RPL28: variants seen among roughly 807,000 people sequenced by gnomAD.
RPL28 encodes the protein large ribosomal subunit protein eL28.
In RPL28, 4 loss-of-function variants were observed where a neutral mutation model predicts 12.5. The observed-to-expected ratio is 0.32, with a 90% CI of 0.16 to 0.73. The LOEUF (loss-of-function observed/expected upper bound fraction) is 0.73. Ranked by LOEUF, RPL28 falls within the 30% of genes least tolerant of loss-of-function variation. The probability of loss-of-function intolerance (pLI) is 0.66; values close to 1 mark genes in which losing one functional copy is unlikely to be tolerated. For missense variants in RPL28, 214 were observed against 197.7 expected (o/e 1.08, Z -0.49); for synonymous variants, 91 against 72.5 (o/e 1.26, Z -1.30).
At chr19:55,395,351 G>C (rs943841877), downstream of RPL28, among the ~76,000 whole-genome samples, 3 of 151,798 alleles carry the variant, frequency 2.0e-5, no homozygotes, top group Non-Finnish European at 4.4e-5. Flanking sequence ...GGCCAGGCTG[G>C]TCTTGAACTG....
At chr19:55,396,696 T>A (rs951635538), downstream of RPL28, among the ~76,000 whole-genome samples, 3 of 145,910 alleles carry the variant, frequency 2.1e-5, no homozygotes, top group African/African-American at 5.1e-5. Context: ...TTCTCCTGCC[T>A]CAGCCTCCCG....
intron 4 of RPL28, among the ~76,000 whole-genome samples, chr19:55,398,912 G>A (rs1403725723): frequency 6.6e-6 from 1 of 152,156 alleles, no homozygotes; most frequent in African/African-American, 2.4e-5. Context: ...ACGTTGGGCA[G>A]GCTGCTCTTG....
rs1218604076 is a variant in RPL28 at position 55,388,025 on chromosome 19, A to G, written c.301A>G (p.Lys101Glu). The change falls in exon 4 of 5, where the codon AAG becomes GAG. Residue 101 changes from lysine (K) to glutamate (E), a missense_variant. Lys to Glu is a moderately conservative substitution (Grantham distance 56). Coordinates refer to ENST00000344063, the MANE Select transcript of RPL28 (RefSeq NM_000991.5). ...SSIRHMIRKNKYRPDLRMAAI... is the reference protein window; with the variant it reads ...SSIRHMIRKNEYRPDLRMAAI... ...CATCAGACACATGATCCGCAAGAAC[A>G]AGTACCGCCCCGACCTGCGCATGGT... 2 of 1,613,636 alleles carry G rather than the reference A, an allele frequency of 1.2e-6. No homozygotes were observed. Among genetic ancestry groups the G allele is most frequent in the Non-Finnish European group, 1.7e-6 (2 of 1,179,882 alleles).
chr19:55,395,938 G>A (rs2090019960), downstream of RPL28, among the ~76,000 whole-genome samples: 1 of 152,054 alleles, frequency 6.6e-6, no homozygotes, highest in East Asian at 1.9e-4. Flanking sequence ...TTACATGACT[G>A]GTAGTGTCCC....
chr19:55,390,484 C>T lies in RPL28; in HGVS notation c.*2152C>T, dbSNP rs548360952. ...CCTCCCAAAGTGCTGGCATTACAGG[C>T]GCTCGAGGCTTTCTGATGTGGCTGC... On this transcript the variant is annotated 3_prime_UTR_variant, in exon 5 of 5. Transcript: ENST00000344063. 27 of 985,480 alleles carry T rather than the reference C, an allele frequency of 2.7e-5. No individual in the cohort carries two copies. The highest frequency in any genetic ancestry group is 1.8e-4 in the Admixed American group (3 of 16,280). The allele number at this position is 985,480 out of a possible 1,614,324, so 61.0% of individuals were successfully genotyped here. A position where few individuals can be genotyped will look rare whatever the true frequency, so the allele number is the denominator to read the frequency against.
At chr19:55,396,246 GAAC>G (rs745815616), downstream of RPL28, among the ~76,000 whole-genome samples, 4 of 148,300 alleles carry the variant, frequency 2.7e-5, no homozygotes, top group African/African-American at 7.5e-5. Context: ...ACTCCAGCCT[GAAC>G]AACAAGAATG....
Position 55,392,025 on chromosome 19 carries a change from G to A in RPL28, c.*3693G>A. 1 of 1,078,092 alleles carries A rather than the reference G, an allele frequency of 9.3e-7. No homozygotes were observed. The highest frequency in any genetic ancestry group is 4.2e-5 in the South Asian group (1 of 23,726). The allele number at this position is 1,078,092 out of a possible 1,614,324, so 66.8% of individuals were successfully genotyped here. ...AGGCTGTTTGGCGCTGCCCAGGAAT[G>A]GTATCAATTCCCCTGTTTCTCTTGT... is the stretch of plus-strand genomic sequence containing the variant. On this transcript the variant is annotated 3_prime_UTR_variant, in exon 5 of 5. Coordinates refer to ENST00000344063, the MANE Select transcript of RPL28 (RefSeq NM_000991.5).
At chr19:55,396,811 A>C (rs191781907), downstream of RPL28, among the ~76,000 whole-genome samples, 69 of 150,644 alleles carry the variant, frequency 4.6e-4, no homozygotes, top group East Asian at 5.0e-3. Flanking sequence ...CGATCTCCTG[A>C]CCTTGTGATC....
At chr19:55,388,166 C>G (rs184860529) in intron 4 of RPL28, 77 bp from the exon 5 acceptor site, 2 of 1,546,692 alleles carry the variant, frequency 1.3e-6, no homozygotes, top group South Asian at 2.4e-5. Context: ...TCAGCCTACT[C>G]CCCACACCCA....
rs754688928 is a variant in RPL28, at chr19:55,386,417, G to A, written c.60G>A (p.Arg20=). 7.4e-6 allele frequency: 12 copies of A among 1,614,020 alleles called. No individual in the cohort carries two copies. Among genetic ancestry groups the A allele is most frequent in the Middle Eastern group, 1.6e-4 (1 of 6,084 alleles). ...ACTGCTCCAGTTTCCTGATCAAGAG[G>A]AATAAGCAGACCTACAGCACTGTAA... ...VRNCSSFLIK[R]NKQTYSTEPN... The change falls in exon 2 of 5, where the codon AGG becomes AGA. Residue 20 remains arginine (R), a synonymous_variant. Transcript: ENST00000344063.
downstream of RPL28, among the ~76,000 whole-genome samples, chr19:55,394,384 G>A (rs1169581735): frequency 2.1e-5 from 3 of 143,430 alleles, no homozygotes; most frequent in Non-Finnish European, 4.6e-5. Context: ...CTCAGTCTCC[G>A]AAGTAGCTGG....
chr19:55,388,659 G>A lies in RPL28; in HGVS notation c.*327G>A, dbSNP rs1355149339. The A allele has an allele frequency of 1.9e-5, 22 of 1,147,606 alleles. No individual in the cohort carries two copies. The highest frequency in any genetic ancestry group is 2.1e-5 in the Non-Finnish European group (20 of 934,470). 71.1% of individuals were successfully genotyped at this position (1,147,606 alleles called of 1,614,324 possible). On this transcript the variant is annotated 3_prime_UTR_variant, in exon 5 of 5. Transcript: ENST00000344063. ...GGGCAGTGGCTTCCATTCAGAAGAAGAAAGGCCTTTTCTAGCCCAGAAGGG... is the reference window on the plus strand; with the variant it reads ...GGGCAGTGGCTTCCATTCAGAAGAAAAAAGGCCTTTTCTAGCCCAGAAGGG...
intron 4 of RPL28, chr19:55,402,869 C>T: frequency 7.7e-7 from 1 of 1,301,026 alleles, no homozygotes; most frequent in African/African-American, 1.5e-5. Context: ...TGGCAGGAAA[C>T]CCCAATTCCC....
intron 3 of RPL28, chr19:55,387,339 T>C: frequency 1.9e-6 from 3 of 1,551,712 alleles, no homozygotes; most frequent in Non-Finnish European, 2.6e-6. Flanking sequence ...AGGGTCCTTT[T>C]ACTCAGTGGC....
chr19:55,401,351 G>A, intron 4 of RPL28: 1 of 1,013,666 alleles, frequency 9.9e-7, no homozygotes, highest in South Asian at 1.6e-5. Context: ...CCCGACCCCA[G>A]CCATAATTTA....
At position 55,388,311 on chromosome 19, in the gene RPL28, C is replaced by T. The variant is rs200664328; in HGVS notation, c.393C>T (p.Thr131=). 4 of 1,578,634 alleles carry T rather than the reference C, an allele frequency of 2.5e-6. No individual in the cohort carries two copies. The highest frequency in any genetic ancestry group is 1.8e-5 in the Admixed American group (1 of 54,454). ...QKPVMVKRKR[T]RPTKSS Reference sequence around the variant, plus strand: ...CTGTGATGGTGAAGAGGAAGCGGACCCGCCCCACCAAGAGCTCCTGAGCCC... The same window carrying T: ...CTGTGATGGTGAAGAGGAAGCGGACTCGCCCCACCAAGAGCTCCTGAGCCC... Residue 131 remains threonine, a synonymous_variant, in exon 5 of 5, where the codon ACC becomes ACT. Transcript: ENST00000344063.
chr19:55,387,537 C>A, intron 3 of RPL28: 1 of 1,431,464 alleles, frequency 7.0e-7, no homozygotes, highest in African/African-American at 1.4e-5. Flanking sequence ...GGCTGGGCCT[C>A]TCAGCCAAGC....
Position 55,388,876 on chromosome 19 carries a change from A to G in RPL28, c.*544A>G. 3 of 985,954 alleles carry G rather than the reference A, an allele frequency of 3.0e-6. No homozygotes were observed. Among genetic ancestry groups the G allele is most frequent in the Non-Finnish European group, 3.6e-6 (3 of 830,324 alleles). The allele number at this position is 985,954 out of a possible 1,614,324, so 61.1% of individuals were successfully genotyped here. A position where few individuals can be genotyped will look rare whatever the true frequency, so the allele number is the denominator to read the frequency against. On this transcript the variant is annotated 3_prime_UTR_variant, in exon 5 of 5. Coordinates refer to ENST00000344063, the MANE Select transcript of RPL28 (RefSeq NM_000991.5). ...TGCAACCTCATCTCTGAGATGGGCA[A>G]CTTGGTGGGTGGTGGCTTATAACTG... is the stretch of plus-strand genomic sequence containing the variant.
At chr19:55,395,513 G>C (rs184559552), downstream of RPL28, among the ~76,000 whole-genome samples, 6,923 of 148,408 alleles carry the variant, frequency 0.047, 211 homozygotes, top group Middle Eastern at 0.097. Context: ...GCGCCATCTC[G>C]GCTCACTGCA....
Sources: allele counts gnomAD v4.1 joint callset (sites outside exome capture counted in the v4.1 genomes callset), GRCh38; gene constraint gnomAD v4.1.1; transcripts MANE v1.5; gene names NCBI Gene and HGNC (gene_info 2026-07-23, HGNC 2026-07-21).